CNTNAP2: variants seen among roughly 807,000 people sequenced by gnomAD.
CNTNAP2 encodes contactin-associated protein-like 2.
In CNTNAP2, 98 loss-of-function variants were observed where a neutral mutation model predicts 155.2. The ratio of observed to expected loss-of-function variants is 0.63; its 90% CI spans 0.54 to 0.75. The LOEUF (loss-of-function observed/expected upper bound fraction) is 0.75, where lower values mean the gene tolerates loss of function less well. CNTNAP2 is among the 30% of genes least tolerant of loss of function. The pLI is 0.00. For synonymous variants in CNTNAP2, 651 were observed against 631.2 expected, an observed-to-expected ratio of 1.03 and a Z score of -0.47; for missense variants, 1,727 against 1,688.1, an observed-to-expected ratio of 1.02 and a Z score of -0.40.
chr7:148,169,249 C>A (rs947180951), intron 17 of CNTNAP2, among the ~76,000 whole-genome samples: 1 of 152,198 alleles, frequency 6.6e-6, no homozygotes, highest in South Asian at 2.1e-4. Flanking sequence ...AACAGTGAAT[C>A]CTTTTTGCCC....
chr7:146,665,710 G>T (rs1008916395), intron 1 of CNTNAP2, among the ~76,000 whole-genome samples: 1 of 146,476 alleles, frequency 6.8e-6, no homozygotes, highest in Non-Finnish European at 1.5e-5. Context: ...AAACCCAGGA[G>T]GCGGAGGTGG....
chr7:147,319,698 G>A (rs943019631), intron 9 of CNTNAP2, among the ~76,000 whole-genome samples: 1 of 151,954 alleles, frequency 6.6e-6, no homozygotes, highest in Admixed American at 6.6e-5. Context: ...TTAAATATAG[G>A]ATTTCTATAT....
At position 147,191,042 on chromosome 7, in the gene CNTNAP2, A is replaced by T. The variant is rs76939854; in HGVS notation, c.1348+58533A>T. On this transcript the variant is annotated intron_variant, in intron 8 of 23. Coordinates refer to ENST00000361727, the MANE Select transcript of CNTNAP2 (RefSeq NM_014141.6). ...TATATATATTAGATGAAATACTCTA[A>T]ATGAGAAAGAAAGAAAAGAAGAAAA... Among the ~76,000 whole-genome samples, 163 of 152,272 alleles carry T rather than the reference A, an allele frequency of 1.1e-3. No homozygotes were observed. In the East Asian group the frequency reaches 0.026, roughly 24 times the overall value.
chr7:146,923,854 C>T (rs1796553884), intron 3 of CNTNAP2, among the ~76,000 whole-genome samples: 1 of 152,030 alleles, frequency 6.6e-6, no homozygotes, highest in South Asian at 2.1e-4. Flanking sequence ...TCAGTATCAC[C>T]TGGGACTTGT....
At chr7:147,097,102 C>T (rs1800551655) in intron 4 of CNTNAP2, among the ~76,000 whole-genome samples, 1 of 152,162 alleles carries the variant, frequency 6.6e-6, no homozygotes, top group South Asian at 2.1e-4. Context: ...GTCCCAATCT[C>T]TCACAAATAA....
At chr7:147,263,120 G>C (rs1804529033) in intron 8 of CNTNAP2, among the ~76,000 whole-genome samples, 1 of 152,276 alleles carries the variant, frequency 6.6e-6, no homozygotes, top group South Asian at 2.1e-4. Flanking sequence ...ACTGAGGCAG[G>C]TGGATTGCTT....
chr7:147,727,505 C>G (rs1175545742), intron 13 of CNTNAP2, among the ~76,000 whole-genome samples: 1 of 151,930 alleles, frequency 6.6e-6, no homozygotes, highest in Non-Finnish European at 1.5e-5. Context: ...TTTCTGCCTT[C>G]CATTAGTGAG....
chr7:147,914,270 G>T (rs1276976750), intron 14 of CNTNAP2, among the ~76,000 whole-genome samples: 1 of 152,106 alleles, frequency 6.6e-6, no homozygotes, highest in Non-Finnish European at 1.5e-5. Context: ...GCTGGTCGTG[G>T]TGGCTCACGC....
chr7:146,734,894 T>A (rs1801585282), intron 1 of CNTNAP2, among the ~76,000 whole-genome samples: 1 of 152,224 alleles, frequency 6.6e-6, no homozygotes, highest in Non-Finnish European at 1.5e-5. Flanking sequence ...AATGCTGTTA[T>A]CTTTCACCTC....
At chr7:147,305,796 T>C (rs142794750) in intron 9 of CNTNAP2, among the ~76,000 whole-genome samples, 4 of 152,148 alleles carry the variant, frequency 2.6e-5, no homozygotes, top group Middle Eastern at 3.2e-3. Flanking sequence ...ATTCTGTCAA[T>C]GTTCTGGAGG....
At chr7:148,203,311 A>T (rs1172110620) in intron 18 of CNTNAP2, among the ~76,000 whole-genome samples, 2 of 152,196 alleles carry the variant, frequency 1.3e-5, no homozygotes, top group African/African-American at 4.8e-5. Flanking sequence ...GTTGGGTTGT[A>T]CTCCAGAAAT....
intron 21 of CNTNAP2, among the ~76,000 whole-genome samples, chr7:148,355,315 C>T (rs1320601490): frequency 6.6e-6 from 1 of 151,186 alleles, no homozygotes; most frequent in Non-Finnish European, 1.5e-5. Context: ...CGGAGTAAGC[C>T]CCCAGCTGCT....
chr7:147,483,244 A>C (rs1373814574), intron 10 of CNTNAP2, among the ~76,000 whole-genome samples: 1 of 151,920 alleles, frequency 6.6e-6, no homozygotes, highest in East Asian at 1.9e-4. Flanking sequence ...ACGATGATAA[A>C]TCTAAGTAAT....
At chr7:148,299,552 C>T (rs1022244149) in intron 21 of CNTNAP2, among the ~76,000 whole-genome samples, 2 of 152,168 alleles carry the variant, frequency 1.3e-5, no homozygotes, top group African/African-American at 2.4e-5. Flanking sequence ...TAACAGTCAA[C>T]GATTTTTTTC....
intron 21 of CNTNAP2, among the ~76,000 whole-genome samples, chr7:148,313,250 G>A (rs1329021029): frequency 6.7e-6 from 1 of 149,576 alleles, no homozygotes; most frequent in Non-Finnish European, 1.5e-5. Flanking sequence ...TCCACTGTGA[G>A]AATTACCAGA....
At chr7:146,199,465 A>C (rs1482430807) in intron 1 of CNTNAP2, among the ~76,000 whole-genome samples, 1 of 152,178 alleles carries the variant, frequency 6.6e-6, no homozygotes, top group Non-Finnish European at 1.5e-5. Context: ...GGAAAGATAG[A>C]GATCAAGGTG....
At chr7:147,401,375 T>C (rs1305408264) in intron 10 of CNTNAP2, among the ~76,000 whole-genome samples, 1 of 152,206 alleles carries the variant, frequency 6.6e-6, no homozygotes, top group Admixed American at 6.5e-5. Flanking sequence ...TATTTTTGGA[T>C]GAAGTACATA....
chr7:148,016,598 TTTC>T (rs1802180533), intron 15 of CNTNAP2, among the ~76,000 whole-genome samples: 1 of 152,316 alleles, frequency 6.6e-6, no homozygotes, highest in African/African-American at 2.4e-5. Flanking sequence ...TTAAAGATAA[TTTC>T]TTCTTCTGAT....
At chr7:147,502,741 G>GTATATATATATATA (rs71183011) in intron 11 of CNTNAP2, among the ~76,000 whole-genome samples, 16 of 99,974 alleles carry the variant, frequency 1.6e-4, no homozygotes, top group Non-Finnish European at 2.6e-4. Context: ...GTGTGTGTGT[G>GTATATATATATATA]TATATATATA....
Sources: gnomAD v4.1 joint callset for allele counts (sites outside exome capture counted in the v4.1 genomes callset) on GRCh38, gnomAD v4.1.1 for gene constraint, MANE v1.5 for transcripts, NCBI Gene and HGNC (gene_info 2026-07-23, HGNC 2026-07-21) for gene names.